The following SEMA4B variants were observed in gnomAD, a reference collection of about 807,000 sequenced individuals.
SEMA4B encodes the protein semaphorin-4B.
A neutral mutation model predicts 88.1 loss-of-function variants in SEMA4B; 55 were observed. That is an observed-to-expected ratio of 0.62 (90% CI 0.50 to 0.78). SEMA4B has a LOEUF of 0.78. Ranked by LOEUF, SEMA4B falls within the 30% of genes least tolerant of loss-of-function variation. The probability of loss-of-function intolerance (pLI) is 0.00; values close to 1 mark genes in which losing one functional copy is unlikely to be tolerated. For missense variants in SEMA4B, 1,062 were observed against 1,111.9 expected (o/e 0.96, Z 0.64); for synonymous variants, 525 against 473.6 (o/e 1.11, Z -1.41).
intron 1 of SEMA4B, among the ~76,000 whole-genome samples, chr15:90,216,411 G>C (rs920224694): frequency 6.6e-6 from 1 of 151,482 alleles, no homozygotes; most frequent in Non-Finnish European, 1.5e-5. Context: ...TCCTTTATTG[G>C]TTACCTTTGC....
chr15:90,223,888 A>T lies in SEMA4B; in HGVS notation c.1094A>T (p.Asp365Val), dbSNP rs200112898. ...GCCGTCTGTGTCTTCACAATGAAGG[A>T]TGTGCAGAGAGTCTTCAGCGGCCTC... ...GSAVCVFTMK[D>V]VQRVFSGLYK... Residue 365 changes from aspartate (D) to valine (V), a missense_variant, in exon 9 of 14, where the codon GAT (aspartate) becomes GTT (valine). Asp to Val is a radical substitution (Grantham distance 152). Coordinates refer to ENST00000411539, the MANE Select transcript of SEMA4B (RefSeq NM_198925.4). 2 of 1,613,894 alleles carry T rather than the reference A, an allele frequency of 1.2e-6. No individual in the cohort carries two copies. The highest frequency in any genetic ancestry group is 2.2e-5 in the East Asian group (1 of 44,868).
rs924105936 is a variant in SEMA4B, at chr15:90,228,307, G to C, written c.2178G>C (p.Val726=). The C allele has an allele frequency of 1.9e-6, 3 of 1,593,986 alleles. No individual in the cohort carries two copies. The highest frequency in any genetic ancestry group is 3.3e-4 in the Middle Eastern group (2 of 5,976). Residue 726 remains valine (V), a synonymous_variant, in exon 14 of 14, where the codon GTG becomes GTC. Coordinates refer to ENST00000411539, the MANE Select transcript of SEMA4B (RefSeq NM_198925.4). ...KEFLVMCTLF[V]LAVLLPVLFL... is the part of the protein sequence containing the mutation. ...TCCTGGTGATGTGCACGCTCTTTGT[G>C]CTGGCCGTGCTGCTCCCAGTTTTAT...
At chr15:90,200,715 A>T (rs559256568), upstream of SEMA4B, among the ~76,000 whole-genome samples, 1 of 152,276 alleles carries the variant, frequency 6.6e-6, no homozygotes, top group African/African-American at 2.4e-5. Flanking sequence ...AAATCCTATT[A>T]TCCCACTTAA....
intron 1 of SEMA4B, among the ~76,000 whole-genome samples, chr15:90,192,825 G>T (rs1420717498): frequency 6.6e-6 from 1 of 152,130 alleles, no homozygotes; most frequent in African/African-American, 2.4e-5. Flanking sequence ...TCCTGACCTT[G>T]TGATCCTCCC....
At chr15:90,185,424 G>T (rs1485539210) in intron 1 of SEMA4B, among the ~76,000 whole-genome samples, 1 of 152,264 alleles carries the variant, frequency 6.6e-6, no homozygotes, top group Non-Finnish European at 1.5e-5. Flanking sequence ...GGCCCCTGCG[G>T]AATGGTCGTG....
intron 1 of SEMA4B, among the ~76,000 whole-genome samples, chr15:90,215,144 T>A (rs2151611301): frequency 6.6e-6 from 1 of 152,290 alleles, no homozygotes; most frequent in Non-Finnish European, 1.5e-5. Context: ...GCTTAGAATT[T>A]TAAAAATAAT....
intron 4 of SEMA4B, 150 bp from the exon 5 acceptor site, chr15:90,220,832 A>G: frequency 1.6e-6 from 1 of 616,952 alleles, no homozygotes; most frequent in South Asian, 1.8e-5. Context: ...CTGGCTGAGG[A>G]GGACGGCGTC....
At position 90,227,941 on chromosome 15, in the gene SEMA4B, C is replaced by A. The variant is rs767232422; in HGVS notation, c.1812C>A (p.Asn604Lys). The A allele has an allele frequency of 1.9e-6, 3 of 1,613,502 alleles. No homozygotes were observed. The African/African-American group carries it at 4.0e-5, about 22-fold the overall frequency. ...KPCEQVQFQP[N>K]TVNTLACPLL... ...GTGAGCAAGTCCAGTTCCAGCCCAACACAGTGAACACTTTGGCCTGCCCGC... is the reference window on the plus strand; with the variant it reads ...GTGAGCAAGTCCAGTTCCAGCCCAAAACAGTGAACACTTTGGCCTGCCCGC... Residue 604 changes from asparagine to lysine, a missense_variant, in exon 14 of 14, where the codon AAC becomes AAA. Transcript: ENST00000411539.
upstream of SEMA4B, among the ~76,000 whole-genome samples, chr15:90,197,596 C>A: frequency 6.6e-6 from 1 of 151,682 alleles, no homozygotes; most frequent in Non-Finnish European, 1.5e-5. Context: ...CGCCACCACG[C>A]CCGGCTAATT....
intron 1 of SEMA4B, among the ~76,000 whole-genome samples, chr15:90,195,924 C>CTTTTTTTTTTTTTTTTTTTTTT (rs776885861): frequency 1.3e-5 from 1 of 76,664 alleles, no homozygotes; most frequent in African/African-American, 4.3e-5. Context: ...TTGTACTTCT[C>CTTTTTTTTTTTTTTTTTTTTTT]TTTTTTTTTT....
At position 90,221,204 on chromosome 15, in the gene SEMA4B, C is replaced by G. The variant is rs1480974219; in HGVS notation, c.595+111C>G. The G allele has an allele frequency of 3.6e-6, 4 of 1,097,120 alleles. No homozygotes were observed. The South Asian group carries it at 4.0e-5, about 11-fold the overall frequency. 68.0% of individuals were successfully genotyped at this position (1,097,120 alleles called of 1,614,324 possible). On this transcript the variant is annotated intron_variant, in intron 5 of 13. Coordinates refer to ENST00000411539, the MANE Select transcript of SEMA4B (RefSeq NM_198925.4). ...CATGCCATGCTTATTTCCAAGGGGA[C>G]AGAATGGCCAGGGGCTTGCCTTGGG... is the stretch of plus-strand genomic sequence containing the variant.
chr15:90,211,456 CCCTGGTCA>C (rs746769319), intron 1 of SEMA4B, among the ~76,000 whole-genome samples: 76 of 152,308 alleles, frequency 5.0e-4, no homozygotes, highest in Non-Finnish European at 8.4e-4. Context: ...TGCCCAGAGT[CCCTGGTCA>C]GGGACTCGAC....
chr15:90,217,652 G>C, intron 2 of SEMA4B, 50 bp downstream of exon 2: 1 of 1,608,816 alleles, frequency 6.2e-7, no homozygotes, highest in South Asian at 1.1e-5. Flanking sequence ...GACCACAGAG[G>C]GAAGATGGAC....
intron 1 of SEMA4B, among the ~76,000 whole-genome samples, chr15:90,208,269 AAAG>A (rs1248818694): frequency 6.6e-6 from 1 of 151,800 alleles, no homozygotes; most frequent in African/African-American, 2.4e-5. Flanking sequence ...AAAAAAAAAG[AAAG>A]AAAAATTTTA....
At chr15:90,221,310 G>T in intron 5 of SEMA4B, 57 bp from the exon 6 acceptor site, 1 of 1,415,784 alleles carries the variant, frequency 7.1e-7, no homozygotes. Flanking sequence ...TGGGCCCTGA[G>T]CAGGGAGAAG....
upstream of SEMA4B, chr15:90,201,228 C>G: frequency 2.4e-6 from 2 of 828,876 alleles, no homozygotes; most frequent in Non-Finnish European, 2.9e-6. Context: ...GCGCCCCGAG[C>G]TGCCGCCCCT....
chr15:90,192,650 G>A (rs1960379042), intron 1 of SEMA4B, among the ~76,000 whole-genome samples: 1 of 143,776 alleles, frequency 7.0e-6, no homozygotes, highest in Non-Finnish European at 1.5e-5. Flanking sequence ...GAGTGCAGTG[G>A]CACGATCTTG....
intron 1 of SEMA4B, among the ~76,000 whole-genome samples, chr15:90,210,248 C>T (rs999027412): frequency 6.6e-6 from 1 of 152,072 alleles, no homozygotes. Context: ...TGGAAGGGGG[C>T]GGTGAGGTGG....
chr15:90,219,910 G>A lies in SEMA4B; in HGVS notation c.483+19G>A. ...CTACATCGTGAGTGACCTGTCCTCA[G>A]CCCTGAGGCTGACCTGGGAACTGCC... is the stretch of plus-strand genomic sequence containing the variant. On this transcript the variant is annotated intron_variant, in intron 4 of 13. Transcript: ENST00000411539. 1 of 1,576,476 alleles carries A rather than the reference G, an allele frequency of 6.3e-7. No homozygotes were observed. The highest frequency in any genetic ancestry group is 8.7e-7 in the Non-Finnish European group (1 of 1,149,772).
Sources: allele counts gnomAD v4.1 joint callset (sites outside exome capture counted in the v4.1 genomes callset), GRCh38; gene constraint gnomAD v4.1.1; transcripts MANE v1.5; gene names NCBI Gene and HGNC (gene_info 2026-07-23, HGNC 2026-07-21).